Variants in SGCZ observed in about 807,000 individuals in gnomAD.
SGCZ encodes the protein zeta-sarcoglycan.
SGCZ carries 40 observed loss-of-function variants against 41.3 expected under a neutral mutation model. The ratio of observed to expected loss-of-function variants is 0.97; its 90% CI spans 0.75 to 1.26. The LOEUF (loss-of-function observed/expected upper bound fraction) is 1.26, where lower values mean the gene tolerates loss of function less well. SGCZ is among the 50% of genes most tolerant of loss of function. SGCZ has a pLI of 0.00. For synonymous variants in SGCZ, 206 were observed against 137.5 expected (o/e 1.50, Z -3.49); for missense variants, 552 against 369.8 (o/e 1.49, Z -4.04).
chr8:14,270,794 C>T (rs1048755067), intron 3 of SGCZ, among the ~76,000 whole-genome samples: 1 of 152,082 alleles, frequency 6.6e-6, no homozygotes, highest in Non-Finnish European at 1.5e-5. Context: ...TTGGAACCAA[C>T]CCAAATGTCC....
chr8:14,872,767 A>C (rs967013395), intron 1 of SGCZ, among the ~76,000 whole-genome samples: 6 of 152,182 alleles, frequency 3.9e-5, no homozygotes, highest in Non-Finnish European at 7.4e-5. Context: ...CTATTGAGTT[A>C]ATTGTAAGCT....
intron 3 of SGCZ, among the ~76,000 whole-genome samples, chr8:14,261,941 T>A (rs776743640): frequency 3.3e-5 from 5 of 152,136 alleles, no homozygotes; most frequent in Non-Finnish European, 5.9e-5. Flanking sequence ...TCCTTAAAGA[T>A]CTGGTTTTAC....
chr8:15,132,333 T>C (rs1482614834), intron 1 of SGCZ, among the ~76,000 whole-genome samples: 1 of 152,188 alleles, frequency 6.6e-6, no homozygotes, highest in Non-Finnish European at 1.5e-5. Context: ...GAGTCCACTG[T>C]CTTCACAGCA....
intron 1 of SGCZ, among the ~76,000 whole-genome samples, chr8:14,890,231 A>C (rs1804962453): frequency 6.6e-6 from 1 of 151,848 alleles, no homozygotes; most frequent in African/African-American, 2.4e-5. Flanking sequence ...AGAAAGAAAG[A>C]AAGAGAGAGA....
At chr8:14,528,490 T>G (rs1803020824) in intron 2 of SGCZ, among the ~76,000 whole-genome samples, 1 of 152,070 alleles carries the variant, frequency 6.6e-6, no homozygotes, top group Non-Finnish European at 1.5e-5. Flanking sequence ...ATAAATGCCA[T>G]AAAAAGTCCA....
rs559459978 is a variant in SGCZ, at chr8:14,517,476, G to A, written c.234+37256C>T. Among the ~76,000 whole-genome samples the A allele has an allele frequency of 7.2e-5, 11 of 152,134 alleles. No homozygotes were observed. In the East Asian group the frequency reaches 1.9e-3, roughly 27 times the overall value. On this transcript the variant is annotated intron_variant, in intron 2 of 7. Coordinates refer to ENST00000382080, the MANE Select transcript of SGCZ (RefSeq NM_139167.4). The stretch of plus-strand genomic sequence containing the variant: ...TAGAATAATTTCCATTTGATCGTAA[G>A]GTAGAGTCATTTTAACAAAGTGCTA...
At chr8:15,187,163 T>C (rs1800373783) in intron 1 of SGCZ, among the ~76,000 whole-genome samples, 1 of 152,204 alleles carries the variant, frequency 6.6e-6, no homozygotes, top group Non-Finnish European at 1.5e-5. Flanking sequence ...TCATTATTTA[T>C]TTAAGTAAAT....
intron 1 of SGCZ, among the ~76,000 whole-genome samples, chr8:14,957,570 A>G (rs1800831764): frequency 6.6e-6 from 1 of 152,020 alleles, no homozygotes; most frequent in Non-Finnish European, 1.5e-5. Flanking sequence ...GTGAGATAAA[A>G]CTAGCTTACT....
intron 1 of SGCZ, among the ~76,000 whole-genome samples, chr8:15,160,892 T>C (rs1799492673): frequency 6.6e-6 from 1 of 152,046 alleles, no homozygotes; most frequent in African/African-American, 2.4e-5. Flanking sequence ...TCTTGCTTTG[T>C]CACCCAGCCT....
chr8:15,123,750 CA>C (rs1807570936), intron 1 of SGCZ, among the ~76,000 whole-genome samples: 1 of 152,138 alleles, frequency 6.6e-6, no homozygotes, highest in African/African-American at 2.4e-5. Context: ...GTGTGGAAAT[CA>C]GGAATAAATA....
At chr8:15,076,358 G>A (rs948988271) in intron 1 of SGCZ, among the ~76,000 whole-genome samples, 2 of 152,120 alleles carry the variant, frequency 1.3e-5, no homozygotes, top group Admixed American at 6.6e-5. Flanking sequence ...AGAGCAAGGG[G>A]GTAGCAAGAG....
At chr8:14,722,926 T>A (rs894921454) in intron 1 of SGCZ, among the ~76,000 whole-genome samples, 23 of 152,274 alleles carry the variant, frequency 1.5e-4, no homozygotes, top group African/African-American at 5.3e-4. Context: ...AACTAGAATT[T>A]AATCTCCGAA....
At chr8:14,219,520 G>A (rs368784131) in intron 4 of SGCZ, among the ~76,000 whole-genome samples, 48 of 152,270 alleles carry the variant, frequency 3.2e-4, no homozygotes, top group Non-Finnish European at 5.4e-4. Flanking sequence ...AAGCGGAAGC[G>A]GGCAGATCAC....
intron 2 of SGCZ, among the ~76,000 whole-genome samples, chr8:14,402,160 C>T (rs1296903980): frequency 2.6e-5 from 4 of 151,946 alleles, no homozygotes; most frequent in Non-Finnish European, 4.4e-5. Context: ...GTAAATTTGA[C>T]TGAGTTCATT....
At chr8:14,746,833 A>C (rs1055921389) in intron 1 of SGCZ, among the ~76,000 whole-genome samples, 4 of 152,160 alleles carry the variant, frequency 2.6e-5, no homozygotes, top group Admixed American at 1.3e-4. Context: ...AAATGAATTC[A>C]ATGTATACAG....
chr8:14,172,984 C>T (rs1189827115), intron 4 of SGCZ, among the ~76,000 whole-genome samples: 1 of 152,122 alleles, frequency 6.6e-6, no homozygotes, highest in Non-Finnish European at 1.5e-5. Context: ...GGGCTTCCAA[C>T]CAGAGTGTTG....
At chr8:15,147,831 T>C (rs1239646130) in intron 1 of SGCZ, among the ~76,000 whole-genome samples, 1 of 152,124 alleles carries the variant, frequency 6.6e-6, no homozygotes, top group Non-Finnish European at 1.5e-5. Flanking sequence ...TGTCTATTAA[T>C]TTTTTCCATG....
chr8:14,278,302 T>G (rs865824675), intron 3 of SGCZ, among the ~76,000 whole-genome samples: 1 of 152,148 alleles, frequency 6.6e-6, no homozygotes, highest in African/African-American at 2.4e-5. Flanking sequence ...ATAAATAAAT[T>G]TGTGTACCTT....
chr8:14,229,207 C>T (rs1212151357), intron 4 of SGCZ, among the ~76,000 whole-genome samples: 2 of 152,102 alleles, frequency 1.3e-5, no homozygotes, highest in Admixed American at 6.6e-5. Flanking sequence ...GTCCATATTT[C>T]TGTTTGTAGG....
Sources: allele counts gnomAD v4.1 joint callset (sites outside exome capture counted in the v4.1 genomes callset), GRCh38; gene constraint gnomAD v4.1.1; transcripts MANE v1.5; gene names NCBI Gene and HGNC (gene_info 2026-07-23, HGNC 2026-07-21).